The following NAP1L5 variants were observed in gnomAD, a reference collection of about 807,000 sequenced individuals.
The protein encoded by NAP1L5 is nucleosome assembly protein 1-like 5.
For synonymous variants in NAP1L5, 125 were observed against 103.6 expected, an observed-to-expected ratio of 1.21 and a Z score of -1.25; for missense variants, 249 against 246.4, an observed-to-expected ratio of 1.01 and a Z score of -0.07.
In NAP1L5 at chr4:88,697,664, C is replaced by G. The variant is rs1441192875; in HGVS notation, c.91G>C (p.Gly31Arg). 1 of 1,613,158 alleles carries G rather than the reference C, an allele frequency of 6.2e-7. No homozygotes were observed. Among genetic ancestry groups the G allele is most frequent in the Non-Finnish European group, 8.5e-7 (1 of 1,179,974 alleles). ...AAAEEVMAEG[G>R]AQGGDCDSAA... ...CTGTCACAGTCTCCACCCTGCGCAC[C>G]GCCTTCCGCCATTACCTCCTCTGCC... is the stretch of plus-strand genomic sequence containing the variant. The change falls in exon 1 of 1, where the codon GGT becomes CGT. Residue 31 changes from glycine to arginine, a missense_variant. Coordinates refer to ENST00000323061, the MANE Select transcript of NAP1L5 (RefSeq NM_153757.4).
chr4:88,697,458 A>T lies in NAP1L5; in HGVS notation c.297T>A (p.Asp99Glu). The T allele has an allele frequency of 6.2e-7, 1 of 1,614,006 alleles. No individual in the cohort carries two copies. The highest frequency in any genetic ancestry group is 8.5e-7 in the Non-Finnish European group (1 of 1,180,016). ...KRCDKIEAKF[D>E]KEFQALEKKY... ...TTTTTTCCAGAGCCTGAAATTCCTT[A>T]TCAAATTTGGCTTCTATCTTATCGC... The change falls in exon 1 of 1, where the codon GAT becomes GAA. Residue 99 changes from aspartate (D) to glutamate (E), a missense_variant. Transcript: ENST00000323061.
chr4:88,697,304 C>T lies in NAP1L5; in HGVS notation c.451G>A (p.Gly151Arg), dbSNP rs774885013. 1.2e-6 allele frequency: 2 copies of T among 1,610,244 alleles called. No individual in the cohort carries two copies. Among genetic ancestry groups the T allele is most frequent in the East Asian group, 2.2e-5 (1 of 44,776 alleles). The stretch of plus-strand genomic sequence containing the variant: ...GCCTCCTCCTCCTCCTCGTCTTCCC[C>T]CTCCTCCTCGTCATCCTCGTACTCC... ...EEEYEDDEEE[G>R]EDEEEEEAAA... Residue 151 changes from glycine to arginine, a missense_variant, in exon 1 of 1, where the codon GGG becomes AGG. Physicochemically the swap from Gly to Arg is moderately radical, Grantham distance 125 (BLOSUM62 -2). Transcript: ENST00000323061.
rs1393044202 is a variant in NAP1L5, at chr4:88,696,858, G to A, written c.*348C>T. 4.4e-6 allele frequency: 1 copy of A among 227,078 alleles called. No homozygotes were observed. The highest frequency in any genetic ancestry group is 2.3e-5 in the African/African-American group (1 of 44,204). 14.1% of individuals were successfully genotyped at this position (227,078 alleles called of 1,614,324 possible). A position where few individuals can be genotyped will look rare whatever the true frequency, so the allele number is the denominator to read the frequency against. On this transcript the variant is annotated 3_prime_UTR_variant, in exon 1 of 1. Coordinates refer to ENST00000323061, the MANE Select transcript of NAP1L5 (RefSeq NM_153757.4). ...CTTGGGTGTTCCATGTGTAGCGTAT[G>A]CTGTGTGATGAATGGGTTTCAAAGT... is the stretch of plus-strand genomic sequence containing the variant.
rs1486797578 is a variant in NAP1L5 at position 88,697,732 on chromosome 4, C to T, written c.23G>A (p.Gly8Glu). 1.9e-6 allele frequency: 3 copies of T among 1,609,922 alleles called. No individual in the cohort carries two copies. Among genetic ancestry groups the T allele is most frequent in the Admixed American group, 3.3e-5 (2 of 59,778 alleles). MADSENQ[G>E]PAEPSQAAAA... The stretch of plus-strand genomic sequence containing the variant: ...CGCCGCCTGGCTAGGCTCCGCAGGC[C>T]CCTGGTTTTCCGAGTCGGCCATGTT... The change falls in exon 1 of 1, where the codon GGG becomes GAG. Residue 8 changes from glycine (G) to glutamate (E), a missense_variant. By Grantham distance (98) the Gly-to-Glu change is moderately conservative. Transcript: ENST00000323061.
chr4:88,697,536 C>G lies in NAP1L5; in HGVS notation c.219G>C (p.Leu73=). The G allele has an allele frequency of 5.6e-6, 9 of 1,614,162 alleles. No homozygotes were observed. The highest frequency in any genetic ancestry group is 6.8e-6 in the Non-Finnish European group (8 of 1,180,018). The change falls in exon 1 of 1, where the codon CTG becomes CTC. Residue 73 remains leucine (L), a synonymous_variant. Coordinates refer to ENST00000323061, the MANE Select transcript of NAP1L5 (RefSeq NM_153757.4). ...PKPKNDFIES[L]PNSVKCRVLA... ...GGACTCGGCATTTCACCGAATTAGG[C>G]AGGCTCTCGATAAAGTCATTTTTCG... is the stretch of plus-strand genomic sequence containing the variant.
Position 88,697,671 on chromosome 4 carries a change from C to G in NAP1L5, c.84G>C (p.Ala28=). ...AGTCTCCACCCTGCGCACCGCCTTCCGCCATTACCTCCTCTGCCGCTGCCT... is the reference window on the plus strand; with the variant it reads ...AGTCTCCACCCTGCGCACCGCCTTCGGCCATTACCTCCTCTGCCGCTGCCT... ...AAEAAAEEVM[A]EGGAQGGDCD... Residue 28 remains alanine, a synonymous_variant, in exon 1 of 1, where the codon GCG becomes GCC. Transcript: ENST00000323061. 1.2e-6 allele frequency: 2 copies of G among 1,613,160 alleles called. No homozygotes were observed. The highest frequency in any genetic ancestry group is 1.7e-6 in the Non-Finnish European group (2 of 1,179,972).
Position 88,697,353 on chromosome 4 carries a change from C to T in NAP1L5, c.402G>A (p.Leu134=), listed in dbSNP as rs769241236. 1 of 1,613,962 alleles carries T rather than the reference C, an allele frequency of 6.2e-7. No homozygotes were observed. The highest frequency in any genetic ancestry group is 8.5e-7 in the Non-Finnish European group (1 of 1,180,022). ...TGEMEGCAWT[L]EGEEEEEEEY... is the part of the protein sequence containing the mutation. The stretch of plus-strand genomic sequence containing the variant: ...CCTCTTCCTCCTCCTCCTCCCCCTC[C>T]AAGGTCCATGCACACCCCTCCATCT... The change falls in exon 1 of 1, where the codon TTG becomes TTA. Residue 134 remains leucine, a synonymous_variant. Coordinates refer to ENST00000323061, the MANE Select transcript of NAP1L5 (RefSeq NM_153757.4).
At position 88,697,406 on chromosome 4, in the gene NAP1L5, G is replaced by A. The variant is rs776952544; in HGVS notation, c.349C>T (p.Leu117Phe). 3 of 1,613,998 alleles carry A rather than the reference G, an allele frequency of 1.9e-6. No individual in the cohort carries two copies. The highest frequency in any genetic ancestry group is 2.5e-6 in the Non-Finnish European group (3 of 1,180,048). ...KKYNDIYKPL[L>F]AKIQELTGEM... ...CCGGTGAGCTCTTGGATCTTGGCGAGTAGGGGCTTATAGATGTCATTATAC... is the reference window on the plus strand; with the variant it reads ...CCGGTGAGCTCTTGGATCTTGGCGAATAGGGGCTTATAGATGTCATTATAC... The change falls in exon 1 of 1, where the codon CTC becomes TTC. Residue 117 changes from leucine (L) to phenylalanine (F), a missense_variant. Leu to Phe is a conservative substitution (Grantham distance 22, BLOSUM62 0). Transcript: ENST00000323061.
rs763882853 is a variant in NAP1L5, at chr4:88,697,469, C to T, written c.286G>A (p.Ala96Thr). ...KLQKRCDKIE[A>T]KFDKEFQALE... Reference sequence around the variant, plus strand: ...GCCTGAAATTCCTTATCAAATTTGGCTTCTATCTTATCGCATCGCTTCTGC... The same window carrying T: ...GCCTGAAATTCCTTATCAAATTTGGTTTCTATCTTATCGCATCGCTTCTGC... The change falls in exon 1 of 1, where the codon GCC becomes ACC. Residue 96 changes from alanine to threonine, a missense_variant. Physicochemically the swap from Ala to Thr is moderately conservative, Grantham distance 58. Transcript: ENST00000323061. 18 of 1,614,134 alleles carry T rather than the reference C, an allele frequency of 1.1e-5. No individual in the cohort carries two copies. In the South Asian group the frequency reaches 2.0e-4, roughly 18 times the overall value.
In NAP1L5 at chr4:88,696,580, A is replaced by T. The variant is rs1417636617; in HGVS notation, c.*626T>A. The T allele has an allele frequency of 6.6e-6, 1 of 152,638 alleles. No individual in the cohort carries two copies. The highest frequency in any genetic ancestry group is 1.5e-5 in the Non-Finnish European group (1 of 68,044). 9.5% of individuals were successfully genotyped at this position (152,638 alleles called of 1,614,324 possible). On this transcript the variant is annotated 3_prime_UTR_variant, in exon 1 of 1. Coordinates refer to ENST00000323061, the MANE Select transcript of NAP1L5 (RefSeq NM_153757.4). ...TTCTTGGAACCATGTTGTTTCTCTA[A>T]ATTCAAATACTCAAAACATTTTTCA...
In NAP1L5 at chr4:88,697,287, C is replaced by T. The variant is rs781215891; in HGVS notation, c.468G>A (p.Glu156=). The T allele has an allele frequency of 2.9e-5, 46 of 1,604,594 alleles. No homozygotes were observed. Among genetic ancestry groups the T allele is most frequent in the Non-Finnish European group, 3.8e-5 (45 of 1,175,244 alleles). The change falls in exon 1 of 1, where the codon GAG becomes GAA. Residue 156 remains glutamate, a synonymous_variant. Coordinates refer to ENST00000323061, the MANE Select transcript of NAP1L5 (RefSeq NM_153757.4). The part of the protein sequence containing the change: ...DDEEEGEDEE[E]EEAAAEAAAG... ...CGGCAGCCTCTGCCGCAGCCTCCTC[C>T]TCCTCCTCGTCTTCCCCCTCCTCCT...
Position 88,697,109 on chromosome 4 carries a change from CA to C in NAP1L5, c.*96del. On this transcript the variant is annotated 3_prime_UTR_variant, in exon 1 of 1. Coordinates refer to ENST00000323061, the MANE Select transcript of NAP1L5 (RefSeq NM_153757.4). Reference sequence around the variant, plus strand: ...GAATAAATTCACATTGTATTTTGGTCAAAAACCTGAGCCTTTTTAAGTCCAT... The same window carrying C: ...GAATAAATTCACATTGTATTTTGGTCAAAACCTGAGCCTTTTTAAGTCCAT... The C allele has an allele frequency of 2.4e-6, 3 of 1,259,638 alleles. No individual in the cohort carries two copies. In the South Asian group the frequency reaches 5.6e-5, roughly 23 times the overall value. The allele number at this position is 1,259,638 out of a possible 1,614,324, so 78.0% of individuals were successfully genotyped here.
At position 88,696,985 on chromosome 4, in the gene NAP1L5, C is replaced by T. The variant is rs986453005; in HGVS notation, c.*221G>A. 3.1e-5 allele frequency: 14 copies of T among 447,354 alleles called. No individual in the cohort carries two copies. The highest frequency in any genetic ancestry group is 5.1e-5 in the Non-Finnish European group (13 of 257,286). 27.7% of individuals were successfully genotyped at this position (447,354 alleles called of 1,614,324 possible). On this transcript the variant is annotated 3_prime_UTR_variant, in exon 1 of 1. Coordinates refer to ENST00000323061, the MANE Select transcript of NAP1L5 (RefSeq NM_153757.4). ...TTGGGTTTAATTCAGTTTTCTTTAA[C>T]ACCTTTTGATATATTTATTATGTTC... is the stretch of plus-strand genomic sequence containing the variant.
In NAP1L5 at chr4:88,697,684, T is replaced by A; in HGVS notation, c.71A>T (p.Glu24Val). 1 of 1,611,100 alleles carries A rather than the reference T, an allele frequency of 6.2e-7. No individual in the cohort carries two copies. Among genetic ancestry groups the A allele is most frequent in the Non-Finnish European group, 8.5e-7 (1 of 1,178,918 alleles). Reference protein sequence around the residue: ...QAAAAAEAAAEEVMAEGGAQG... With the variant: ...QAAAAAEAAAVEVMAEGGAQG... ...CGCACCGCCTTCCGCCATTACCTCC[T>A]CTGCCGCTGCCTCCGCCGCTGCCGC... The change falls in exon 1 of 1, where the codon GAG (glutamate) becomes GTG (valine). Residue 24 changes from glutamate (E) to valine (V), a missense_variant. Coordinates refer to ENST00000323061, the MANE Select transcript of NAP1L5 (RefSeq NM_153757.4).
chr4:88,697,428 A>G lies in NAP1L5; in HGVS notation c.327T>C (p.Tyr109=). ...DKEFQALEKK[Y]NDIYKPLLAK... ...CGAGTAGGGGCTTATAGATGTCATTATACTTTTTTTCCAGAGCCTGAAATT... is the reference window on the plus strand; with the variant it reads ...CGAGTAGGGGCTTATAGATGTCATTGTACTTTTTTTCCAGAGCCTGAAATT... The change falls in exon 1 of 1, where the codon TAT becomes TAC. Residue 109 remains tyrosine (Y), a synonymous_variant. Coordinates refer to ENST00000323061, the MANE Select transcript of NAP1L5 (RefSeq NM_153757.4). The G allele has an allele frequency of 6.2e-7, 1 of 1,614,064 alleles. No homozygotes were observed. The highest frequency in any genetic ancestry group is 8.5e-7 in the Non-Finnish European group (1 of 1,180,020).
chr4:88,697,566 T>C lies in NAP1L5; in HGVS notation c.189A>G (p.Pro63=). 1 of 1,614,174 alleles carries C rather than the reference T, an allele frequency of 6.2e-7. No homozygotes were observed. The highest frequency in any genetic ancestry group is 8.5e-7 in the Non-Finnish European group (1 of 1,180,034). The change falls in exon 1 of 1, where the codon CCA becomes CCG. Residue 63 remains proline (P), a synonymous_variant. Coordinates refer to ENST00000323061, the MANE Select transcript of NAP1L5 (RefSeq NM_153757.4). ...TCTCGATAAAGTCATTTTTCGGCTT[T>C]GGGGCATTCTCTGCAGGGGTCTGGG... ...EEPQTPAENA[P]KPKNDFIESL...
rs754405727 is a variant in NAP1L5 at position 88,697,630 on chromosome 4, C to T, written c.125G>A (p.Gly42Asp). The change falls in exon 1 of 1, where the codon GGT (glycine) becomes GAT (aspartate). Residue 42 changes from glycine to aspartate, a missense_variant. By Grantham distance (94) the Gly-to-Asp change is moderately conservative. Coordinates refer to ENST00000323061, the MANE Select transcript of NAP1L5 (RefSeq NM_153757.4). ...CTGACCAGCCGCGCTGTCAGGGTCA[C>T]CAGCCGCGCTGTCACAGTCTCCACC... ...AQGGDCDSAA[G>D]DPDSAAGQMA... The T allele has an allele frequency of 1.9e-6, 3 of 1,613,824 alleles. No individual in the cohort carries two copies. The highest frequency in any genetic ancestry group is 2.2e-5 in the East Asian group (1 of 44,864).
rs1734668158 is a variant in NAP1L5, at chr4:88,697,035, A to T, written c.*171T>A. 1.7e-6 allele frequency: 1 copy of T among 580,854 alleles called. No individual in the cohort carries two copies. Among genetic ancestry groups the T allele is most frequent in the East Asian group, 3.1e-5 (1 of 32,694 alleles). The allele number at this position is 580,854 out of a possible 1,614,324, so 36.0% of individuals were successfully genotyped here. A position where few individuals can be genotyped will look rare whatever the true frequency, so the allele number is the denominator to read the frequency against. Reference sequence around the variant, plus strand: ...CAAAATGAAAGTCAAATTTGAATCGAGCTGGCCAGGATCTAATTGCTTTAA... The same window carrying T: ...CAAAATGAAAGTCAAATTTGAATCGTGCTGGCCAGGATCTAATTGCTTTAA... On this transcript the variant is annotated 3_prime_UTR_variant, in exon 1 of 1. Transcript: ENST00000323061.
chr4:88,697,724 C>G lies in NAP1L5; in HGVS notation c.31G>C (p.Glu11Gln). The change falls in exon 1 of 1, where the codon GAG (glutamate) becomes CAG (glutamine). Residue 11 changes from glutamate (E) to glutamine (Q), a missense_variant. Transcript: ENST00000323061. ...GCCGCTGCCGCCGCCTGGCTAGGCT[C>G]CGCAGGCCCCTGGTTTTCCGAGTCG... MADSENQGPA[E>Q]PSQAAAAAEA... 6.2e-7 allele frequency: 1 copy of G among 1,611,200 alleles called. No homozygotes were observed. The highest frequency in any genetic ancestry group is 1.1e-5 in the South Asian group (1 of 90,898).
Sources: allele counts gnomAD v4.1 joint callset, GRCh38; gene constraint gnomAD v4.1.1; transcripts MANE v1.5; gene names NCBI Gene and HGNC (gene_info 2026-07-23, HGNC 2026-07-21).